Variants in PHTF2 observed in about 807,000 individuals in gnomAD.
PHTF2 encodes putative homeodomain transcription factor 2.
PHTF2 carries 60 observed loss-of-function variants against 101.2 expected under a neutral mutation model. The observed-to-expected ratio is 0.59, with a 90% confidence interval of 0.48 to 0.73. PHTF2 has a LOEUF of 0.73. PHTF2 is among the 30% of genes least tolerant of loss of function. The pLI is 0.00. For synonymous variants in PHTF2, 311 were observed against 307.3 expected (o/e 1.01, Z -0.13); for missense variants, 747 against 908.7 (o/e 0.82, Z 2.29).
intron 10 of PHTF2, among the ~76,000 whole-genome samples, chr7:77,922,049 G>A (rs1190956791): frequency 2.4e-5 from 3 of 126,078 alleles, no homozygotes; most frequent in Non-Finnish European, 4.8e-5. Flanking sequence ...TTGAGACATG[G>A]TCTCACTATG....
chr7:77,947,512 A>C (rs1383654738), intron 16 of PHTF2, among the ~76,000 whole-genome samples: 1 of 152,010 alleles, frequency 6.6e-6, no homozygotes, highest in African/African-American at 2.4e-5. Flanking sequence ...GCGGTGAGCC[A>C]AGATAACGCC....
At chr7:77,835,587 A>G (rs1416784498) in intron 1 of PHTF2, among the ~76,000 whole-genome samples, 6 of 152,164 alleles carry the variant, frequency 3.9e-5, no homozygotes, top group African/African-American at 1.4e-4. Context: ...AAGAATACTC[A>G]TAGGCATTAT....
chr7:77,822,536 G>A (rs1454127774), intron 1 of PHTF2, among the ~76,000 whole-genome samples: 1 of 152,162 alleles, frequency 6.6e-6, no homozygotes, highest in South Asian at 2.1e-4. Context: ...GACTGGGCTT[G>A]GGGCTTGCAA....
chr7:77,940,543 A>G, exon 15 of PHTF2: 1 of 1,597,120 alleles, frequency 6.3e-7, no homozygotes, highest in Non-Finnish European at 8.5e-7. Context: ...ACTTTTTGCA[A>G]AACTCTTTGG....
chr7:77,874,463 T>A (rs1298105139), intron 3 of PHTF2, among the ~76,000 whole-genome samples: 1 of 152,090 alleles, frequency 6.6e-6, no homozygotes, highest in East Asian at 1.9e-4. Flanking sequence ...CAATAGACCG[T>A]CTGCAAGCTG....
chr7:77,862,965 A>G (rs947690185), intron 3 of PHTF2, among the ~76,000 whole-genome samples: 15 of 152,228 alleles, frequency 9.9e-5, no homozygotes, highest in Admixed American at 3.9e-4. Context: ...TTAGAAGCTA[A>G]ATTGCTCTTT....
At chr7:77,799,285 G>A (rs780283745) in intron 1 of PHTF2, among the ~76,000 whole-genome samples, 4 of 152,188 alleles carry the variant, frequency 2.6e-5, no homozygotes, top group Non-Finnish European at 5.9e-5. Context: ...CCCGCCCCTC[G>A]GGCCCCGCTT....
In PHTF2 at chr7:77,942,637, T is replaced by C. The variant is rs1029554351; in HGVS notation, c.1873-63T>C. On this transcript the variant is annotated intron_variant, in intron 15 of 19. Transcript: ENST00000416283. Reference sequence around the variant, plus strand: ...ACCTTTATTGAAACCATGGAAATTATCTGCTGATTAGTAAATATATTTTAA... The same window carrying C: ...ACCTTTATTGAAACCATGGAAATTACCTGCTGATTAGTAAATATATTTTAA... 1.9e-5 allele frequency: 17 copies of C among 877,984 alleles called. No homozygotes were observed. In the East Asian group the frequency reaches 2.5e-4, roughly 13 times the overall value. 54.4% of individuals were successfully genotyped at this position (877,984 alleles called of 1,614,324 possible).
intron 3 of PHTF2, among the ~76,000 whole-genome samples, chr7:77,856,220 A>C (rs1053205048): frequency 6.6e-6 from 1 of 152,234 alleles, no homozygotes; most frequent in African/African-American, 2.4e-5. Context: ...TCTCTAAAAA[A>C]TAAAAATAAA....
chr7:77,800,124 G>A (rs1792418850), intron 1 of PHTF2, among the ~76,000 whole-genome samples: 2 of 152,040 alleles, frequency 1.3e-5, no homozygotes, highest in Admixed American at 1.3e-4. Context: ...ATTGGAAGGG[G>A]AATTCTGAAA....
At chr7:77,881,187 G>A (rs893461549) in intron 3 of PHTF2, among the ~76,000 whole-genome samples, 6 of 152,222 alleles carry the variant, frequency 3.9e-5, no homozygotes, top group Admixed American at 3.9e-4. Context: ...AAATATTTCA[G>A]TATTTTTAGC....
intron 3 of PHTF2, among the ~76,000 whole-genome samples, chr7:77,863,812 G>T (rs1415285624): frequency 1.4e-5 from 2 of 147,050 alleles, no homozygotes; most frequent in Admixed American, 1.4e-4. Flanking sequence ...TGGAAGATAG[G>T]TTCTTACTCT....
At chr7:77,934,428 C>T (rs1454588941) in intron 12 of PHTF2, among the ~76,000 whole-genome samples, 1 of 152,138 alleles carries the variant, frequency 6.6e-6, no homozygotes, top group Non-Finnish European at 1.5e-5. Context: ...GCTGCATTCC[C>T]ACAGTTGGAA....
At chr7:77,916,152 T>C (rs575962298) in intron 9 of PHTF2, among the ~76,000 whole-genome samples, 102 of 152,356 alleles carry the variant, frequency 6.7e-4, no homozygotes, top group African/African-American at 2.3e-3. Flanking sequence ...TTATCTTGCA[T>C]TCTGTTTATT....
chr7:77,863,706 A>T (rs73138429), intron 3 of PHTF2, among the ~76,000 whole-genome samples: 1 of 151,280 alleles, frequency 6.6e-6, no homozygotes, highest in Non-Finnish European at 1.5e-5. Flanking sequence ...ATGTCCTGAT[A>T]GGATTTACAC....
At chr7:77,917,369 A>G (rs1386559666) in intron 9 of PHTF2, among the ~76,000 whole-genome samples, 1 of 152,230 alleles carries the variant, frequency 6.6e-6, no homozygotes, top group Non-Finnish European at 1.5e-5. Flanking sequence ...AGTTCAAGAT[A>G]CACTTGTTGC....
chr7:77,923,042 G>A, intron 11 of PHTF2: 1 of 1,112,166 alleles, frequency 9.0e-7, no homozygotes, highest in Non-Finnish European at 1.1e-6. Flanking sequence ...TTTTAAAGAA[G>A]AACATTCTGG....
At chr7:77,855,671 A>G (rs921104620) in intron 3 of PHTF2, among the ~76,000 whole-genome samples, 1 of 152,150 alleles carries the variant, frequency 6.6e-6, no homozygotes, top group Non-Finnish European at 1.5e-5. Context: ...TGGCTGGATG[A>G]TACCCCTCTG....
In PHTF2 at chr7:77,893,647, G is replaced by T; in HGVS notation, c.187G>T (p.Glu63Ter). 7.1e-7 allele frequency: 1 copy of T among 1,399,532 alleles called. No individual in the cohort carries two copies. Among genetic ancestry groups the T allele is most frequent in the South Asian group, 1.2e-5 (1 of 81,412 alleles). 86.7% of individuals were successfully genotyped at this position (1,399,532 alleles called of 1,614,324 possible). ...TCAACAAATATGGGAAAAATCTGTT[G>T]AACAGAGAGAAATCAAGGTAAGGAG... Residue 63 changes from glutamate (E) to a stop codon, truncating the protein, a stop_gained, in exon 4 of 20, where the codon GAA becomes TAA. Coordinates refer to ENST00000416283, the Ensembl canonical transcript of PHTF2. LOFTEE classifies it high-confidence loss of function.
Sources: allele counts gnomAD v4.1 joint callset (sites outside exome capture counted in the v4.1 genomes callset), GRCh38; gene constraint gnomAD v4.1.1; transcripts MANE v1.5; gene names NCBI Gene and HGNC (gene_info 2026-07-23, HGNC 2026-07-21).